The following PDE5A variants were observed in gnomAD, a reference collection of about 807,000 sequenced individuals.
PDE5A encodes cGMP-specific 3',5'-cyclic phosphodiesterase.
In PDE5A, 67 loss-of-function variants were observed where a neutral mutation model predicts 110.2. That is an observed-to-expected ratio of 0.61 (90% confidence interval 0.50 to 0.75). The LOEUF is 0.75. PDE5A is among the 30% of genes least tolerant of loss of function. PDE5A has a pLI of 0.00. For missense variants in PDE5A, 862 were observed against 1,045.1 expected (o/e 0.82, Z 2.42); for synonymous variants, 328 against 351.2 (o/e 0.93, Z 0.74).
rs1725040944 is a variant in PDE5A, at chr4:119,495,832, GGAAACTCAACATTA to G, written c.*2755_*2768del. On this transcript the variant is annotated 3_prime_UTR_variant, in exon 21 of 21. Coordinates refer to ENST00000354960, the MANE Select transcript of PDE5A (RefSeq NM_001083.4). ...AAATATATTCTCTTTGTTCAGTCAT[GGAAACTCAACATTA>G]GAAATGACATGTGGGAATAGATCAC... The G allele has an allele frequency of 6.6e-6, 1 of 152,064 alleles. No homozygotes were observed. The highest frequency in any genetic ancestry group is 2.4e-5 in the African/African-American group (1 of 41,408). The allele number at this position is 152,064 out of a possible 1,614,324, so 9.4% of individuals were successfully genotyped here.
In PDE5A at chr4:119,627,003, A is replaced by G; in HGVS notation, c.152+1517T>C. 1 of 821,398 alleles carries G rather than the reference A, an allele frequency of 1.2e-6. No homozygotes were observed. The highest frequency in any genetic ancestry group is 1.9e-6 in the Non-Finnish European group (1 of 522,662). 50.9% of individuals were successfully genotyped at this position (821,398 alleles called of 1,614,324 possible). A position where few individuals can be genotyped will look rare whatever the true frequency, so the allele number is the denominator to read the frequency against. On this transcript the variant is annotated intron_variant, in intron 1 of 20. Transcript: ENST00000354960. The surrounding 1 kb of genome is among the most constrained non-coding windows in gnomAD (Gnocchi z 4.6). ...TAATACATCTGCAAGAGAGCAAAGA[A>G]TAACAACAACAACAAAAGTTATACA...
intron 7 of PDE5A, among the ~76,000 whole-genome samples, chr4:119,559,314 G>GA (rs1247565813): frequency 1.1e-4 from 17 of 151,910 alleles, no homozygotes; most frequent in Non-Finnish European, 2.1e-4. Flanking sequence ...GAATTTATAA[G>GA]AAAAAAATCA....
intron 1 of PDE5A, among the ~76,000 whole-genome samples, chr4:119,613,215 A>T (rs770527658): frequency 2.0e-5 from 3 of 152,192 alleles, no homozygotes; most frequent in Admixed American, 6.5e-5. Context: ...TTTCATCCTA[A>T]GAATTAGCAG....
intron 17 of PDE5A, among the ~76,000 whole-genome samples, 186 bp from the exon 18 acceptor site, chr4:119,504,785 T>C (rs74878216): frequency 0.05 from 7,614 of 152,158 alleles, 291 homozygotes; most frequent in African/African-American, 0.09. Flanking sequence ...CAGAGCATCA[T>C]TGTTTCAGTT....
chr4:119,611,789 G>A (rs1014166036), intron 1 of PDE5A, among the ~76,000 whole-genome samples: 2 of 151,782 alleles, frequency 1.3e-5, no homozygotes, highest in Middle Eastern at 3.4e-3. Context: ...CTACATTATT[G>A]ATTATCTGAG....
chr4:119,501,313 T>G, intron 19 of PDE5A, 60 bp from the exon 20 acceptor site: 1 of 1,041,040 alleles, frequency 9.6e-7, no homozygotes, highest in Non-Finnish European at 1.5e-6. Context: ...AGTTAGTTAT[T>G]ACTTTATTAT....
chr4:119,582,892 A>T (rs1728634140), intron 3 of PDE5A, among the ~76,000 whole-genome samples: 1 of 152,224 alleles, frequency 6.6e-6, no homozygotes. Context: ...GCTGTCATCT[A>T]GGCTTTGTTG....
intron 3 of PDE5A, among the ~76,000 whole-genome samples, chr4:119,589,862 A>G (rs1405596779): frequency 1.3e-5 from 2 of 152,198 alleles, no homozygotes. Context: ...CCAGCAGAAT[A>G]CAGGCAGATC....
At chr4:119,532,248 A>G (rs1726568454) in intron 11 of PDE5A, among the ~76,000 whole-genome samples, 1 of 152,138 alleles carries the variant, frequency 6.6e-6, no homozygotes, top group African/African-American at 2.4e-5. Context: ...CAATCACTAA[A>G]TGACAGCTAT....
chr4:119,506,182 C>G (rs918020946), intron 16 of PDE5A, among the ~76,000 whole-genome samples: 1 of 151,708 alleles, frequency 6.6e-6, no homozygotes, highest in Non-Finnish European at 1.5e-5. Flanking sequence ...ATGGTAATTT[C>G]AATTCTTGAA....
At chr4:119,602,311 G>C (rs868767193) in intron 2 of PDE5A, among the ~76,000 whole-genome samples, 1 of 152,110 alleles carries the variant, frequency 6.6e-6, no homozygotes, top group Admixed American at 6.5e-5. Context: ...AAGAGGAAAC[G>C]ATAAAGCAAA....
At chr4:119,567,796 TA>T (rs1310421104) in intron 3 of PDE5A, among the ~76,000 whole-genome samples, 3 of 152,190 alleles carry the variant, frequency 2.0e-5, no homozygotes, top group African/African-American at 7.2e-5. Context: ...ATTTGGAAGT[TA>T]CTTACCTTTT....
chr4:119,535,105 G>C (rs1726684385), intron 11 of PDE5A, among the ~76,000 whole-genome samples: 2 of 152,162 alleles, frequency 1.3e-5, no homozygotes, highest in Admixed American at 6.6e-5. Flanking sequence ...CAACAGATGA[G>C]AAAATGCACT....
chr4:119,572,017 G>C (rs1728155419), intron 3 of PDE5A, among the ~76,000 whole-genome samples: 1 of 152,168 alleles, frequency 6.6e-6, no homozygotes, highest in East Asian at 1.9e-4. Flanking sequence ...TCACTTACAT[G>C]GGTCTTTGGG....
At chr4:119,622,500 A>T (rs1336679562) in intron 1 of PDE5A, among the ~76,000 whole-genome samples, 1 of 152,218 alleles carries the variant, frequency 6.6e-6, no homozygotes, top group Non-Finnish European at 1.5e-5. Flanking sequence ...TCTCCTGAAG[A>T]TTAAAAAATC....
rs1727788277 is a variant in PDE5A, at chr4:119,562,814, A to C, written c.1131+19T>G. ...GTTTCTGTCTTTCTAAAAATAAAAAAGTCATACTCTGTACTCACGGAGCAA... is the reference window on the plus strand; with the variant it reads ...GTTTCTGTCTTTCTAAAAATAAAAACGTCATACTCTGTACTCACGGAGCAA... On this transcript the variant is annotated intron_variant, in intron 6 of 20. Transcript: ENST00000354960. The C allele has an allele frequency of 5.4e-6, 8 of 1,486,638 alleles. No homozygotes were observed. The highest frequency in any genetic ancestry group is 6.3e-6 in the Non-Finnish European group (7 of 1,118,478). The allele number at this position is 1,486,638 out of a possible 1,614,324, so 92.1% of individuals were successfully genotyped here.
In PDE5A at chr4:119,627,125, C is replaced by T. The variant is rs1440038749; in HGVS notation, c.152+1395G>A. On this transcript the variant is annotated intron_variant, in intron 1 of 20. Transcript: ENST00000354960. This position sits in a 1 kb window ranked among gnomAD's most constrained non-coding sequence, Gnocchi z 4.6. ...CGCCCCCGGAAAAAGTGGGAAGGGA[C>T]GTAGGGGGATGCTGAAGGAAGTACC... 2.5e-6 allele frequency: 4 copies of T among 1,611,432 alleles called. No homozygotes were observed. Among genetic ancestry groups the T allele is most frequent in the African/African-American group, 1.3e-5 (1 of 74,806 alleles).
chr4:119,600,199 A>T (rs959318026), intron 2 of PDE5A, among the ~76,000 whole-genome samples: 9 of 147,018 alleles, frequency 6.1e-5, no homozygotes, highest in African/African-American at 1.5e-4. Flanking sequence ...TATATATATA[A>T]AAAGAGTAAG....
chr4:119,588,736 G>A (rs529493755), intron 3 of PDE5A, among the ~76,000 whole-genome samples: 11 of 152,234 alleles, frequency 7.2e-5, no homozygotes, highest in African/African-American at 2.4e-4. Context: ...GTTTCGGTAG[G>A]TGTTAATCAC....
Sources: gnomAD v4.1 joint callset for allele counts (sites outside exome capture counted in the v4.1 genomes callset) on GRCh38, gnomAD v4.1.1 for gene constraint, Gnocchi (gnomAD v3.1) non-coding constraint, MANE v1.5 for transcripts, NCBI Gene and HGNC (gene_info 2026-07-23, HGNC 2026-07-21) for gene names.